Variants in GNB1L observed in about 807,000 individuals in gnomAD.
GNB1L encodes guanine nucleotide-binding protein subunit beta-like protein 1.
GNB1L carries 20 observed loss-of-function variants against 29.1 expected under a neutral mutation model. The observed-to-expected ratio is 0.69, with a 90% CI of 0.48 to 1.00. GNB1L has a LOEUF of 1.00. Ranked by LOEUF, GNB1L falls within the 50% of genes least tolerant of loss-of-function variation. The pLI is 0.00. For synonymous variants in GNB1L, 193 were observed against 206.5 expected (o/e 0.93, Z 0.56); for missense variants, 421 against 464.9 (o/e 0.91, Z 0.87).
At chr22:19,801,835 C>T (rs1333473405) in intron 7 of GNB1L, among the ~76,000 whole-genome samples, 166 bp downstream of exon 7, 2 of 152,198 alleles carry the variant, frequency 1.3e-5, no homozygotes, top group Non-Finnish European at 2.9e-5. Flanking sequence ...GCGCCCACGC[C>T]CCCTTCTTCC....
At chr22:19,833,874 A>C (rs1392402218) in intron 2 of GNB1L, among the ~76,000 whole-genome samples, 1 of 150,764 alleles carries the variant, frequency 6.6e-6, no homozygotes, top group Non-Finnish European at 1.5e-5. Flanking sequence ...TCAAAGAGAA[A>C]AACAATAATA....
chr22:19,820,668 T>C lies in GNB1L; in HGVS notation c.184A>G (p.Thr62Ala). The change falls in exon 4 of 8, where the codon ACC becomes GCC. Residue 62 changes from threonine to alanine, a missense_variant. By Grantham distance (58) the Thr-to-Ala change is moderately conservative. Transcript: ENST00000329517. The part of the protein sequence containing the change: ...WSLQTRRAVT[T>A]LDGHGGQCVT... ...CACTGGCCGCCGTGGCCATCCAGGGTGGTAACCGCTCTCCGCGTCTGCAGG... is the reference window on the plus strand; with the variant it reads ...CACTGGCCGCCGTGGCCATCCAGGGCGGTAACCGCTCTCCGCGTCTGCAGG... The C allele has an allele frequency of 7.4e-6, 12 of 1,613,256 alleles. No homozygotes were observed. Among genetic ancestry groups the C allele is most frequent in the South Asian group, 1.1e-5 (1 of 91,054 alleles).
intron 7 of GNB1L, chr22:19,792,913 T>C (rs1281111811): frequency 8.3e-7 from 1 of 1,202,856 alleles, no homozygotes; most frequent in Non-Finnish European, 1.2e-6. Flanking sequence ...TTCACATAGG[T>C]GAACTCGGAA....
chr22:19,833,556 C>A (rs1004499306), intron 2 of GNB1L, among the ~76,000 whole-genome samples: 2 of 152,018 alleles, frequency 1.3e-5, no homozygotes, highest in Non-Finnish European at 2.9e-5. Context: ...CAGAGCAAGA[C>A]CCTGTCTCTA....
intron 4 of GNB1L, among the ~76,000 whole-genome samples, chr22:19,819,744 G>A (rs530794230): frequency 2.6e-5 from 4 of 152,298 alleles, no homozygotes; most frequent in African/African-American, 7.2e-5. Context: ...CAAGTGATGC[G>A]TAGGGTACAG....
chr22:19,832,084 CT>C (rs1937688787), intron 2 of GNB1L, among the ~76,000 whole-genome samples: 1 of 152,168 alleles, frequency 6.6e-6, no homozygotes, highest in African/African-American at 2.4e-5. Context: ...AATCCCAGCA[CT>C]TTGGGAGGCT....
chr22:19,813,409 G>A (rs1055560694), intron 4 of GNB1L, among the ~76,000 whole-genome samples: 5 of 152,218 alleles, frequency 3.3e-5, no homozygotes, highest in African/African-American at 9.7e-5. Context: ...ATAAGGCTGG[G>A]TGCAGTGGCT....
intron 7 of GNB1L, 43 bp downstream of exon 7, chr22:19,801,958 G>T: frequency 7.0e-7 from 1 of 1,436,440 alleles, no homozygotes. Context: ...CAGACTGTTA[G>T]TGCAGAGCAG....
chr22:19,814,788 C>A (rs1937518699), intron 4 of GNB1L, among the ~76,000 whole-genome samples: 1 of 152,154 alleles, frequency 6.6e-6, no homozygotes. Context: ...GTGGATCATA[C>A]CTAGAAGGTG....
chr22:19,800,843 C>T (rs188339015), intron 7 of GNB1L, among the ~76,000 whole-genome samples: 2 of 152,352 alleles, frequency 1.3e-5, no homozygotes, highest in Admixed American at 1.3e-4. Flanking sequence ...AGGGCATGTC[C>T]TTCCGCAGCT....
At position 19,786,607 on chromosome 22, in the gene GNB1L, C is replaced by G. The variant is rs966798938; in HGVS notation, c.*2102G>C. 6.6e-6 allele frequency: 1 copy of G among 152,240 alleles called. No homozygotes were observed. The highest frequency in any genetic ancestry group is 1.5e-5 in the Non-Finnish European group (1 of 68,068). 9.4% of individuals were successfully genotyped at this position (152,240 alleles called of 1,614,324 possible). A position where few individuals can be genotyped will look rare whatever the true frequency, so the allele number is the denominator to read the frequency against. On this transcript the variant is annotated 3_prime_UTR_variant, in exon 8 of 8. Coordinates refer to ENST00000329517, the MANE Select transcript of GNB1L (RefSeq NM_053004.3). ...AGGGGAAGGGGTAGAGGCCCAGAAC[C>G]CTCAGGGTGGGAGCTGAGGCGGGGC...
At position 19,826,235 on chromosome 22, in the gene GNB1L, C is replaced by A. The variant is rs377079708; in HGVS notation, c.-20-4860G>T. ...AGTGTTAGGCTGAGCCAGCACTAAACCTACACCCACGGATGCCAGAAAAAC... is the reference window on the plus strand; with the variant it reads ...AGTGTTAGGCTGAGCCAGCACTAAAACTACACCCACGGATGCCAGAAAAAC... On this transcript the variant is annotated intron_variant, in intron 2 of 7. Coordinates refer to ENST00000329517, the MANE Select transcript of GNB1L (RefSeq NM_053004.3). Among the ~76,000 whole-genome samples the A allele has an allele frequency of 5.9e-5, 9 of 152,282 alleles. No homozygotes were observed. The East Asian group carries it at 9.6e-4, about 16-fold the overall frequency.
At chr22:19,828,430 G>A (rs926247908) in intron 2 of GNB1L, among the ~76,000 whole-genome samples, 4 of 152,148 alleles carry the variant, frequency 2.6e-5, no homozygotes, top group African/African-American at 9.7e-5. Flanking sequence ...TGAGGTGGAA[G>A]GATTACTTGA....
Position 19,788,476 on chromosome 22 carries a change from G to A in GNB1L, c.*233C>T, listed in dbSNP as rs1000369570. ...GGCAACACAGCAGGCCCAAGCCAACGTCTCCTGCAGGCCTCGGACGGCCAG... is the reference window on the plus strand; with the variant it reads ...GGCAACACAGCAGGCCCAAGCCAACATCTCCTGCAGGCCTCGGACGGCCAG... On this transcript the variant is annotated 3_prime_UTR_variant, in exon 8 of 8. Transcript: ENST00000329517. The A allele has an allele frequency of 7.9e-6, 5 of 630,016 alleles. No individual in the cohort carries two copies. Among genetic ancestry groups the A allele is most frequent in the East Asian group, 5.5e-5 (2 of 36,344 alleles). 39.0% of individuals were successfully genotyped at this position (630,016 alleles called of 1,614,324 possible).
intron 7 of GNB1L, among the ~76,000 whole-genome samples, chr22:19,796,815 G>A (rs946218172): frequency 6.6e-6 from 1 of 152,180 alleles, no homozygotes; most frequent in Non-Finnish European, 1.5e-5. Context: ...AGGCAGGGCA[G>A]CAGATGCAAC....
chr22:19,849,372 GT>G (rs796724694), intron 2 of GNB1L: 13,489 of 655,318 alleles, frequency 0.021, 14 homozygotes, highest in African/African-American at 0.037. Context: ...GTTTTTTGTT[GT>G]TTTTTTTTTT....
rs1937265062 is a variant in GNB1L, at chr22:19,792,693, C to T, written c.733-3733G>A. On this transcript the variant is annotated intron_variant, in intron 7 of 7. Transcript: ENST00000329517. Reference sequence around the variant, plus strand: ...ACGGGACGTCCCCACCAAGAGACCACCTGTCCTTCGAGCAGGAGTTAACAT... The same window carrying T: ...ACGGGACGTCCCCACCAAGAGACCATCTGTCCTTCGAGCAGGAGTTAACAT... 4.1e-6 allele frequency: 6 copies of T among 1,459,206 alleles called. No individual in the cohort carries two copies. In the East Asian group the frequency reaches 9.2e-5, roughly 22 times the overall value. The allele number at this position is 1,459,206 out of a possible 1,614,324, so 90.4% of individuals were successfully genotyped here.
intron 3 of GNB1L, 61 bp downstream of exon 3, chr22:19,821,167 C>G: frequency 2.0e-6 from 3 of 1,522,700 alleles, no homozygotes; most frequent in Non-Finnish European, 1.8e-6. Flanking sequence ...GGGCTCCTTG[C>G]TAGCTCACGA....
intron 5 of GNB1L, among the ~76,000 whole-genome samples, chr22:19,807,457 A>G (rs777466963): frequency 5.3e-5 from 8 of 151,826 alleles, no homozygotes. Flanking sequence ...GGAACTGGGG[A>G]GGCTCAGCCA....
Sources: gnomAD v4.1 joint callset for allele counts (sites outside exome capture counted in the v4.1 genomes callset) on GRCh38, gnomAD v4.1.1 for gene constraint, MANE v1.5 for transcripts, NCBI Gene and HGNC (gene_info 2026-07-23, HGNC 2026-07-21) for gene names.